TOM1: variants seen among roughly 807,000 people sequenced by gnomAD.
The protein encoded by TOM1 is target of Myb protein 1.
A neutral mutation model predicts 61.3 loss-of-function variants in TOM1; 38 were observed. That is an observed-to-expected ratio of 0.62 (90% confidence interval 0.48 to 0.81). The LOEUF is 0.81. Ranked by LOEUF, TOM1 falls within the 40% of genes least tolerant of loss-of-function variation. The pLI is 0.00. For missense variants in TOM1, 591 were observed against 659.6 expected (o/e 0.90, Z 1.14); for synonymous variants, 270 against 268.8 (o/e 1.00, Z -0.04).
At chr22:35,335,291 G>C (rs1929211156) in intron 11 of TOM1, among the ~76,000 whole-genome samples, 1 of 152,170 alleles carries the variant, frequency 6.6e-6, no homozygotes, top group South Asian at 2.1e-4. Context: ...GGTCATTCTG[G>C]TGTCTTTTGG....
At chr22:35,304,548 G>A (rs1003631981) in intron 1 of TOM1, among the ~76,000 whole-genome samples, 10 of 152,014 alleles carry the variant, frequency 6.6e-5, no homozygotes, top group African/African-American at 2.2e-4. Context: ...GCGCGATCTC[G>A]GCTCACTGCA....
At chr22:35,343,191 ACTCATAC>A (rs1930073208) in intron 12 of TOM1, among the ~76,000 whole-genome samples, 1 of 117,274 alleles carries the variant, frequency 8.5e-6, no homozygotes, top group Non-Finnish European at 1.7e-5. Flanking sequence ...CCACACCTCC[ACTCATAC>A]GCCTACACAC....
chr22:35,321,953 C>G lies in TOM1; in HGVS notation c.138-6C>G. 1 of 1,613,980 alleles carries G rather than the reference C, an allele frequency of 6.2e-7. No individual in the cohort carries two copies. Among genetic ancestry groups the G allele is most frequent in the Non-Finnish European group, 8.5e-7 (1 of 1,179,840 alleles). ...CTAAGCCCACCCTTTTTCTTGTCCT[C>G]CTTAGTCCCAAAGATGCCCTCCGAG... On this transcript the variant is annotated splice_polypyrimidine_tract_variant and splice_region_variant and intron_variant, in intron 2 of 14. Transcript: ENST00000449058.
At chr22:35,337,961 C>T (rs1929522507) in intron 11 of TOM1, among the ~76,000 whole-genome samples, 1 of 152,228 alleles carries the variant, frequency 6.6e-6, no homozygotes, top group Non-Finnish European at 1.5e-5. Context: ...GCCGCCTCTC[C>T]TCCTTAGCCA....
chr22:35,323,579 G>A lies in TOM1; in HGVS notation c.450G>A (p.Glu150=). 1.2e-6 allele frequency: 2 copies of A among 1,614,110 alleles called. No homozygotes were observed. The highest frequency in any genetic ancestry group is 1.1e-5 in the South Asian group (1 of 91,082). Residue 150 remains glutamate, a synonymous_variant, in exon 5 of 15, where the codon GAG becomes GAA. Transcript: ENST00000449058. This position sits in a 1 kb window ranked among gnomAD's most constrained non-coding sequence, Gnocchi z 4.2. ...AGGACCTGCGGAGGAAAGGCCTGGA[G>A]TTCCCCATGACTGACCTGGACATGC... is the stretch of plus-strand genomic sequence containing the variant. ...IYEDLRRKGL[E]FPMTDLDMLS...
At chr22:35,329,543 C>A (rs1928635522) in intron 7 of TOM1, among the ~76,000 whole-genome samples, 1 of 152,172 alleles carries the variant, frequency 6.6e-6, no homozygotes. Context: ...TAAAATTATT[C>A]CAAAGCTAAA....
Position 35,329,977 on chromosome 22 carries a change from GCATT to G in TOM1, c.766-369_766-366del, listed in dbSNP as rs373196492. ...GCTTGTGCAGGGGCTGGAGGCCCGT[GCATT>G]AGAGATGGCCTCACTTGGCCAGGCG... is the stretch of plus-strand genomic sequence containing the variant. On this transcript the variant is annotated intron_variant, in intron 7 of 14. Coordinates refer to ENST00000449058, the MANE Select transcript of TOM1 (RefSeq NM_005488.3). Among the ~76,000 whole-genome samples the G allele has an allele frequency of 5.8e-3, 888 of 152,322 alleles. 10 individuals are homozygous for G. The highest frequency in any genetic ancestry group is 0.021 in the African/African-American group (860 of 41,584).
At chr22:35,300,864 A>G (rs890667192) in intron 1 of TOM1, among the ~76,000 whole-genome samples, 4 of 151,962 alleles carry the variant, frequency 2.6e-5, no homozygotes, top group Admixed American at 2.0e-4. Flanking sequence ...TGAAATACTT[A>G]GAACAATGCC....
chr22:35,345,215 C>T (rs1358943616), intron 12 of TOM1: 1 of 176,730 alleles, frequency 5.7e-6, no homozygotes, highest in Non-Finnish European at 1.2e-5. Context: ...TGCTATGCCC[C>T]CTTCTATCAT....
intron 1 of TOM1, among the ~76,000 whole-genome samples, chr22:35,303,195 G>T (rs1926006468): frequency 2.0e-5 from 3 of 151,630 alleles, no homozygotes; most frequent in Admixed American, 6.6e-5. Flanking sequence ...TTGCTCCTGT[G>T]CCCCCACTGA....
chr22:35,317,478 G>A (rs968435009), intron 1 of TOM1, among the ~76,000 whole-genome samples: 17 of 152,142 alleles, frequency 1.1e-4, no homozygotes, highest in Admixed American at 3.9e-4. Context: ...GTGAGCCACC[G>A]CGCCCAGCTC....
At chr22:35,321,849 TG>T in intron 2 of TOM1, 109 bp from the exon 3 acceptor site, 2 of 911,000 alleles carry the variant, frequency 2.2e-6, no homozygotes, top group Non-Finnish European at 3.7e-6. Flanking sequence ...ACAAAACAGG[TG>T]GGGCACAGGG....
At chr22:35,318,301 A>G (rs1601680788) in intron 2 of TOM1, 1 of 373,672 alleles carries the variant, frequency 2.7e-6, no homozygotes, top group Non-Finnish European at 5.0e-6. Context: ...CCCAAGCGCC[A>G]TCTGCATTCT....
At chr22:35,300,115 C>T (rs919350270) in intron 1 of TOM1, 135 bp downstream of exon 1, 2 of 979,512 alleles carry the variant, frequency 2.0e-6, no homozygotes, top group African/African-American at 3.3e-5. Context: ...CGACCTGGCT[C>T]CGCCCAGCTT....
chr22:35,327,425 T>G (rs553097333), intron 7 of TOM1, 38 bp downstream of exon 7: 26 of 1,437,762 alleles, frequency 1.8e-5, no homozygotes, highest in Non-Finnish European at 2.5e-5. Flanking sequence ...CTCAGATGAC[T>G]CCTGCCCAGC....
chr22:35,307,238 T>A (rs1926401562), intron 1 of TOM1, among the ~76,000 whole-genome samples: 1 of 152,152 alleles, frequency 6.6e-6, no homozygotes, highest in Non-Finnish European at 1.5e-5. Context: ...ATTATTTTCG[T>A]AGGGTTTTCT....
At chr22:35,302,330 C>CTTTTTTTTTTTTTT (rs138734) in intron 1 of TOM1, among the ~76,000 whole-genome samples, 11 of 70,918 alleles carry the variant, frequency 1.6e-4, no homozygotes, top group African/African-American at 5.1e-4. Context: ...TTTTCTTTTT[C>CTTTTTTTTTTTTTT]TTTTTTTTTT....
intron 6 of TOM1, among the ~76,000 whole-genome samples, chr22:35,325,803 A>C (rs1034397483): frequency 1.1e-4 from 16 of 152,166 alleles, no homozygotes; most frequent in African/African-American, 3.6e-4. Context: ...AACAAAACTA[A>C]TCTTTGTTTA....
At chr22:35,330,502 GCCTCTGGCCTACTGCCCCAAC>G in intron 8 of TOM1, 22 bp downstream of exon 8, 6 of 1,595,142 alleles carry the variant, frequency 3.8e-6, no homozygotes, top group Non-Finnish European at 5.1e-6. Flanking sequence ...ACCTCCCCTG[GCCTCTGGCCTACTGCCCCAAC>G]CCTCTCCCTT....
Sources: allele counts gnomAD v4.1 joint callset (sites outside exome capture counted in the v4.1 genomes callset), GRCh38; gene constraint gnomAD v4.1.1; non-coding constraint Gnocchi (gnomAD v3.1); transcripts MANE v1.5; gene names NCBI Gene and HGNC (gene_info 2026-07-23, HGNC 2026-07-21).